AP5M1: variants seen among roughly 807,000 people sequenced by gnomAD.
AP5M1 encodes the protein adaptor related protein complex 5 subunit mu 1.
Under a neutral mutation model 52.3 loss-of-function variants are expected in AP5M1, and 44 were observed. The ratio of observed to expected loss-of-function variants is 0.84; its 90% CI spans 0.66 to 1.08. The LOEUF (loss-of-function observed/expected upper bound fraction) is 1.08. Among genes scored for constraint, AP5M1 ranks in the 50% least tolerant of loss-of-function variants. AP5M1 has a pLI of 0.00. For missense variants in AP5M1, 526 were observed against 568.4 expected (o/e 0.93, Z 0.76); for synonymous variants, 213 against 199.0 (o/e 1.07, Z -0.59).
rs1216420662 is a variant in AP5M1 at position 57,296,855 on chromosome 14, CA to C, written c.*7977del. The C allele has an allele frequency of 1.3e-5, 2 of 151,908 alleles. No individual in the cohort carries two copies. The highest frequency in any genetic ancestry group is 2.9e-5 in the Non-Finnish European group (2 of 67,946). 9.4% of individuals were successfully genotyped at this position (151,908 alleles called of 1,614,324 possible). ...TGCCACTCTGGGATTAGACAAAAGACAAAAAACAGTTCCATATTTTGAACGA... is the reference window on the plus strand; with the variant it reads ...TGCCACTCTGGGATTAGACAAAAGACAAAAACAGTTCCATATTTTGAACGA... On this transcript the variant is annotated 3_prime_UTR_variant, in exon 8 of 8. Transcript: ENST00000261558.
rs1384264019 is a variant in AP5M1, at chr14:57,289,183, C to G, written c.*299C>G. 5.2e-6 allele frequency: 1 copy of G among 190,752 alleles called. No homozygotes were observed. The highest frequency in any genetic ancestry group is 1.1e-5 in the Non-Finnish European group (1 of 94,500). The allele number at this position is 190,752 out of a possible 1,614,324, so 11.8% of individuals were successfully genotyped here. On this transcript the variant is annotated 3_prime_UTR_variant, in exon 8 of 8. Coordinates refer to ENST00000261558, the MANE Select transcript of AP5M1 (RefSeq NM_018229.4). The stretch of plus-strand genomic sequence containing the variant: ...TGGGTCACCCTGCCACACTTGTTTC[C>G]TAGTGTTTCTGTGGCAGACATTGCT...
intron 6 of AP5M1, among the ~76,000 whole-genome samples, chr14:57,285,386 A>G (rs543533239): frequency 6.6e-6 from 1 of 152,354 alleles, no homozygotes; most frequent in South Asian, 2.1e-4. Flanking sequence ...GAAAGCATGT[A>G]GCACATATTT....
In AP5M1 at chr14:57,296,825, T is replaced by C. The variant is rs7161325; in HGVS notation, c.*7941T>C. 88 of 152,234 alleles carry C rather than the reference T, an allele frequency of 5.8e-4. No individual in the cohort carries two copies. Among genetic ancestry groups the C allele is most frequent in the African/African-American group, 2.0e-3 (85 of 41,564 alleles). 9.4% of individuals were successfully genotyped at this position (152,234 alleles called of 1,614,324 possible). On this transcript the variant is annotated 3_prime_UTR_variant, in exon 8 of 8. Transcript: ENST00000261558. The stretch of plus-strand genomic sequence containing the variant: ...ATTAATGTTAAGCTTTGTGCTCATA[T>C]TATATGCCACTCTGGGATTAGACAA...
At chr14:57,282,732 TACAC>T (rs1410969095) in intron 4 of AP5M1, among the ~76,000 whole-genome samples, 198 bp from the exon 5 acceptor site, 1 of 152,208 alleles carries the variant, frequency 6.6e-6, no homozygotes, top group Non-Finnish European at 1.5e-5. Flanking sequence ...AATAATGAAA[TACAC>T]ATCATCACCA....
At chr14:57,277,030 A>T (rs1885055579) in intron 2 of AP5M1, among the ~76,000 whole-genome samples, 1 of 152,192 alleles carries the variant, frequency 6.6e-6, no homozygotes, top group Non-Finnish European at 1.5e-5. Context: ...AGTGGTCCAA[A>T]GTTCTAGACC....
rs1475153008 is a variant in AP5M1, at chr14:57,293,813, TGTCA to T, written c.*4932_*4935del. ...ACTTGGTGGGTTTCCCTGTGAAACA[TGTCA>T]GTATCATGTAAGATGAAGAATATTT... On this transcript the variant is annotated 3_prime_UTR_variant, in exon 8 of 8. Coordinates refer to ENST00000261558, the MANE Select transcript of AP5M1 (RefSeq NM_018229.4). 1 of 151,624 alleles carries T rather than the reference TGTCA, an allele frequency of 6.6e-6. No individual in the cohort carries two copies. The highest frequency in any genetic ancestry group is 2.4e-5 in the African/African-American group (1 of 41,348). The allele number at this position is 151,624 out of a possible 1,614,324, so 9.4% of individuals were successfully genotyped here.
chr14:57,270,200 A>AC (rs1884851996), intron 1 of AP5M1, among the ~76,000 whole-genome samples: 1 of 152,236 alleles, frequency 6.6e-6, no homozygotes, highest in African/African-American at 2.4e-5. Flanking sequence ...ACACAAAAAA[A>AC]TGTATTCACT....
intron 3 of AP5M1, among the ~76,000 whole-genome samples, chr14:57,281,574 A>G (rs752037057): frequency 6.6e-6 from 1 of 152,228 alleles, no homozygotes; most frequent in Non-Finnish European, 1.5e-5. Context: ...CTGCTTACAC[A>G]TGACCTTACA....
At position 57,288,867 on chromosome 14, in the gene AP5M1, G is replaced by A; in HGVS notation, c.1456G>A (p.Gly486Arg). 3.2e-6 allele frequency: 5 copies of A among 1,554,782 alleles called. No individual in the cohort carries two copies. Among genetic ancestry groups the A allele is most frequent in the Non-Finnish European group, 4.4e-6 (5 of 1,131,372 alleles). Residue 486 changes from glycine to arginine, a missense_variant, in exon 8 of 8, where the codon GGA becomes AGA. By Grantham distance (125) the Gly-to-Arg change is moderately radical. Coordinates refer to ENST00000261558, the MANE Select transcript of AP5M1 (RefSeq NM_018229.4). ...TAAAGCCCCTGCTCCAGTAACATAT[G>A]GATCATTATTATTGTAATAGTCTCA... ...NSKAPAPVTY[G>R]SLLL
Position 57,274,895 on chromosome 14 carries a change from A to G in AP5M1, c.720+6A>G. The G allele has an allele frequency of 6.2e-7, 1 of 1,614,022 alleles. No homozygotes were observed. Among genetic ancestry groups the G allele is most frequent in the Non-Finnish European group, 8.5e-7 (1 of 1,179,964 alleles). On this transcript the variant is annotated splice_donor_region_variant and intron_variant, in intron 2 of 7. Coordinates refer to ENST00000261558, the MANE Select transcript of AP5M1 (RefSeq NM_018229.4). The stretch of plus-strand genomic sequence containing the variant: ...TTGGAACAGTGACTTGCAAGGTGAG[A>G]TTTTTCTCTGGTACTTGCTTTATCG...
rs1440715322 is a variant in AP5M1 at position 57,282,180 on chromosome 14, T to C, written c.1040T>C (p.Val347Ala). Residue 347 changes from valine (V) to alanine (A), a missense_variant, in exon 4 of 8, where the codon GTG (valine) becomes GCG (alanine). By Grantham distance (64) the Val-to-Ala change is moderately conservative. Around this residue, in one of 3 missense-constraint regions of AP5M1, gnomAD observed 425 missense variants for 430.6 expected, o/e 0.99. Transcript: ENST00000261558. ...ATTAATTTAAAACTTCATGAAAGTG[T>C]GAAAAATAATTTTGAATTCTGTGAA... The part of the protein sequence containing the change: ...ITINLKLHES[V>A]KNNFEFCEAH... The C allele has an allele frequency of 6.3e-7, 1 of 1,575,610 alleles. No individual in the cohort carries two copies. The highest frequency in any genetic ancestry group is 2.3e-5 in the East Asian group (1 of 43,430).
intron 2 of AP5M1, among the ~76,000 whole-genome samples, chr14:57,279,641 A>G (rs1402834500): frequency 2.0e-5 from 3 of 152,198 alleles, no homozygotes; most frequent in Non-Finnish European, 4.4e-5. Context: ...ACGTTTACAT[A>G]TGTAACAAAC....
chr14:57,277,134 C>CT (rs56736203), intron 2 of AP5M1, among the ~76,000 whole-genome samples: 157 of 140,268 alleles, frequency 1.1e-3, no homozygotes, highest in South Asian at 1.8e-3. Context: ...TCTTAGGTGC[C>CT]TTTTTTTTTT....
Position 57,296,266 on chromosome 14 carries a change from A to G in AP5M1, c.*7382A>G, listed in dbSNP as rs896594335. On this transcript the variant is annotated 3_prime_UTR_variant, in exon 8 of 8. Transcript: ENST00000261558. ...TGGATTGGCTGATTTTTGAAGAACT[A>G]TTTTCTTAGATTTACCAACAGGACA... 2.0e-5 allele frequency: 3 copies of G among 151,950 alleles called. No homozygotes were observed. Among genetic ancestry groups the G allele is most frequent in the Admixed American group, 6.6e-5 (1 of 15,204 alleles). 9.4% of individuals were successfully genotyped at this position (151,950 alleles called of 1,614,324 possible).
Position 57,282,153 on chromosome 14 carries a change from C to A in AP5M1, c.1013C>A (p.Thr338Asn), listed in dbSNP as rs911085237. The A allele has an allele frequency of 1.3e-6, 2 of 1,583,430 alleles. No individual in the cohort carries two copies. The highest frequency in any genetic ancestry group is 1.7e-6 in the Non-Finnish European group (2 of 1,168,280). The change falls in exon 4 of 8, where the codon ACC becomes AAC. Residue 338 changes from threonine (T) to asparagine (N), a missense_variant. Transcript: ENST00000261558. ...GAGGAAGAAGTACAACTAAGAATAA[C>A]CATTAATTTAAAACTTCATGAAAGT... ...MKEEEVQLRI[T>N]INLKLHESVK...
chr14:57,276,130 A>G (rs1475677534), intron 2 of AP5M1, among the ~76,000 whole-genome samples: 1 of 152,060 alleles, frequency 6.6e-6, no homozygotes, highest in African/African-American at 2.4e-5. Context: ...TTTTAAACTC[A>G]TATCTATCAT....
At chr14:57,274,109 T>G in intron 1 of AP5M1, 135 bp from the exon 2 acceptor site, 1 of 923,014 alleles carries the variant, frequency 1.1e-6, no homozygotes, top group Non-Finnish European at 1.6e-6. Context: ...CTTTTGTGGA[T>G]GTGTGTATAT....
intron 2 of AP5M1, among the ~76,000 whole-genome samples, chr14:57,277,513 T>TA (rs1885068757): frequency 1.3e-5 from 2 of 152,144 alleles, no homozygotes; most frequent in South Asian, 4.1e-4. Context: ...AACCCTAAAA[T>TA]TTTTTTTAAG....
In AP5M1 at chr14:57,288,922, G is replaced by A. The variant is rs770258371; in HGVS notation, c.*38G>A. The A allele has an allele frequency of 8.2e-7, 1 of 1,217,750 alleles. No homozygotes were observed. The highest frequency in any genetic ancestry group is 1.2e-6 in the Non-Finnish European group (1 of 855,536). The allele number at this position is 1,217,750 out of a possible 1,614,324, so 75.4% of individuals were successfully genotyped here. A position where few individuals can be genotyped will look rare whatever the true frequency, so the allele number is the denominator to read the frequency against. On this transcript the variant is annotated 3_prime_UTR_variant, in exon 8 of 8. Transcript: ENST00000261558. ...TAAATGGGATTATATAATGATAACA[G>A]TTTAAAGAAAATCATAATCTTATAT...
Sources: gnomAD v4.1 joint callset for allele counts (sites outside exome capture counted in the v4.1 genomes callset) on GRCh38, gnomAD v4.1.1 for gene constraint, gnomAD v4.1.1 regional missense constraint, MANE v1.5 for transcripts, NCBI Gene and HGNC (gene_info 2026-07-23, HGNC 2026-07-21) for gene names.